Variants in RBMS3 observed in about 807,000 individuals in gnomAD.
RBMS3 encodes the protein RNA binding motif single stranded interacting protein 3, also known as RNA-binding motif, single-stranded-interacting protein 3.
In RBMS3, 27 loss-of-function variants were observed where a neutral mutation model predicts 66.8. The observed-to-expected ratio is 0.40, with a 90% confidence interval of 0.30 to 0.56. The LOEUF (loss-of-function observed/expected upper bound fraction) is 0.56, where lower values mean the gene tolerates loss of function less well. RBMS3 is among the 20% of genes least tolerant of loss of function. RBMS3 has a pLI of 0.40. For synonymous variants in RBMS3, 188 were observed against 183.0 expected (o/e 1.03, Z -0.22); for missense variants, 513 against 549.5 (o/e 0.93, Z 0.66).
intron 4 of RBMS3, among the ~76,000 whole-genome samples, chr3:29,685,473 C>T (rs7642054): frequency 0.61 from 92,728 of 151,950 alleles, 28,624 homozygotes; most frequent in African/African-American, 0.7. Flanking sequence ...CTCTATTCTA[C>T]CTTTTTTTGT....
intron 1 of RBMS3, among the ~76,000 whole-genome samples, chr3:29,375,382 A>G (rs751359444): frequency 5.9e-5 from 9 of 152,246 alleles, no homozygotes; most frequent in Non-Finnish European, 1.2e-4. Flanking sequence ...GAGCTTCTGC[A>G]CAGCAAAAGA....
Position 29,764,899 on chromosome 3 carries a change from A to G in RBMS3, c.637+1910A>G, listed in dbSNP as rs537531656. On this transcript the variant is annotated intron_variant, in intron 6 of 14. Transcript: ENST00000383767. Reference sequence around the variant, plus strand: ...GTTATGAGTTTTCTCACTCATTTTTATCTCCCGGGAACAAGAAAGACAAAA... The same window carrying G: ...GTTATGAGTTTTCTCACTCATTTTTGTCTCCCGGGAACAAGAAAGACAAAA... Among the ~76,000 whole-genome samples, 193 of 152,088 alleles carry G rather than the reference A, an allele frequency of 1.3e-3. 1 individual carries two copies. Among genetic ancestry groups the G allele is most frequent in the African/African-American group, 4.5e-3 (186 of 41,528 alleles).
At chr3:29,540,055 GAT>G (rs1324383772) in intron 3 of RBMS3, among the ~76,000 whole-genome samples, 1 of 152,062 alleles carries the variant, frequency 6.6e-6, no homozygotes, top group African/African-American at 2.4e-5. Context: ...AAAAATGAAA[GAT>G]ATTTTAAAAC....
intron 1 of RBMS3, among the ~76,000 whole-genome samples, chr3:29,349,769 T>C (rs2036794970): frequency 6.6e-6 from 1 of 152,222 alleles, no homozygotes; most frequent in Admixed American, 6.5e-5. Flanking sequence ...CAATGTAACA[T>C]GCTGTTGCAA....
intron 3 of RBMS3, among the ~76,000 whole-genome samples, chr3:29,489,784 C>G: frequency 6.7e-6 from 1 of 150,170 alleles, no homozygotes; most frequent in Admixed American, 6.6e-5. Context: ...GTGGCTCACG[C>G]CTATAATCCC....
intron 2 of RBMS3, among the ~76,000 whole-genome samples, chr3:29,442,501 A>G (rs766013236): frequency 1.4e-4 from 22 of 152,284 alleles, no homozygotes; most frequent in Non-Finnish European, 2.1e-4. Context: ...GAGAGGACCA[A>G]TTGACTTAGT....
chr3:29,429,336 T>C (rs966400157), intron 1 of RBMS3, among the ~76,000 whole-genome samples: 5 of 152,200 alleles, frequency 3.3e-5, no homozygotes, highest in African/African-American at 1.2e-4. Flanking sequence ...TGGATGCCAA[T>C]TCATCTTATT....
rs1175604100 is a variant in RBMS3 at position 29,928,211 on chromosome 3, TAC to T, written c.940-7851_940-7850del. Among the ~76,000 whole-genome samples, 449 of 93,470 alleles carry T rather than the reference TAC, an allele frequency of 4.8e-3. 2 individuals carry two copies. Among genetic ancestry groups the T allele is most frequent in the African/African-American group, 9.2e-3 (218 of 23,632 alleles). 61.3% of individuals were successfully genotyped at this position (93,470 alleles called of 152,430 possible). Reference sequence around the variant, plus strand: ...ATATATATATATATATATATATATATACACACACACACACACACACACACATA... The same window carrying T: ...ATATATATATATATATATATATATATACACACACACACACACACACACATA... On this transcript the variant is annotated intron_variant, in intron 10 of 14. Transcript: ENST00000383767.
chr3:29,408,048 A>G (rs985569963), intron 1 of RBMS3, among the ~76,000 whole-genome samples: 1 of 151,966 alleles, frequency 6.6e-6, no homozygotes, highest in African/African-American at 2.4e-5. Flanking sequence ...CGAGGTGGGC[A>G]GATCACGAGG....
chr3:29,486,308 T>A (rs1010227152), intron 2 of RBMS3, among the ~76,000 whole-genome samples: 4 of 152,144 alleles, frequency 2.6e-5, no homozygotes, highest in Admixed American at 6.6e-5. Context: ...TGCAAATTAA[T>A]TGTTAATGCA....
intron 2 of RBMS3, among the ~76,000 whole-genome samples, chr3:29,457,966 TA>T (rs11286319): frequency 0.19 from 28,818 of 151,926 alleles, 2,776 homozygotes; most frequent in East Asian, 0.23. Context: ...CCTATCTAAG[TA>T]ACTTCCACTT....
intron 1 of RBMS3, among the ~76,000 whole-genome samples, chr3:29,337,307 TA>T (rs1022811711): frequency 6.6e-6 from 1 of 152,076 alleles, no homozygotes; most frequent in Non-Finnish European, 1.5e-5. Context: ...ATATAGGTAC[TA>T]AAATAGTACC....
At chr3:29,385,769 C>T (rs985114085) in intron 1 of RBMS3, among the ~76,000 whole-genome samples, 3 of 152,172 alleles carry the variant, frequency 2.0e-5, no homozygotes, top group African/African-American at 7.2e-5. Flanking sequence ...AAGGACATAT[C>T]CTAGACTCTC....
intron 1 of RBMS3, among the ~76,000 whole-genome samples, chr3:29,397,953 A>G (rs1466434227): frequency 6.6e-6 from 1 of 152,182 alleles, no homozygotes. Context: ...TGCTTCCATG[A>G]TGAGCAAGTA....
intron 10 of RBMS3, among the ~76,000 whole-genome samples, chr3:29,911,630 T>A (rs1291651311): frequency 6.6e-6 from 1 of 152,076 alleles, no homozygotes; most frequent in Middle Eastern, 3.2e-3. Context: ...ATTATCTGAA[T>A]ACCCCAGGTG....
At chr3:29,914,768 T>G (rs2149640029) in intron 10 of RBMS3, among the ~76,000 whole-genome samples, 1 of 152,016 alleles carries the variant, frequency 6.6e-6, no homozygotes, top group East Asian at 1.9e-4. Flanking sequence ...TTAGAAGAAA[T>G]CTTAGGAGCC....
At chr3:29,825,842 T>A (rs926793752) in intron 6 of RBMS3, among the ~76,000 whole-genome samples, 3 of 152,198 alleles carry the variant, frequency 2.0e-5, no homozygotes, top group African/African-American at 7.2e-5. Context: ...GATTAGGCAC[T>A]AATGTTAACT....
At position 29,693,685 on chromosome 3, in the gene RBMS3, A is replaced by G. The variant is rs746823586; in HGVS notation, c.400-46035A>G. ...ATTCATACAGTCATTCTTCAGTTTC[A>G]TAAATGTGCCCTTCTCGGTAGAGAA... On this transcript the variant is annotated intron_variant, in intron 4 of 14. Coordinates refer to ENST00000383767, the MANE Select transcript of RBMS3 (RefSeq NM_001003793.3). 8.0e-4 allele frequency among the ~76,000 whole-genome samples: 122 copies of G among 152,238 alleles called. 1 individual carries two copies. Among genetic ancestry groups the G allele is most frequent in the Non-Finnish European group, 2.5e-4 (17 of 68,042 alleles).
intron 1 of RBMS3, among the ~76,000 whole-genome samples, chr3:29,338,703 T>TC (rs2036103953): frequency 1.8e-5 from 1 of 54,922 alleles, no homozygotes; most frequent in Non-Finnish European, 4.6e-5. Context: ...CTCCTCCTCC[T>TC]CTCCTCTCCT....
Sources: gnomAD v4.1 joint callset for allele counts (sites outside exome capture counted in the v4.1 genomes callset) on GRCh38, gnomAD v4.1.1 for gene constraint, MANE v1.5 for transcripts, NCBI Gene and HGNC (gene_info 2026-07-23, HGNC 2026-07-21) for gene names.